Variants in ADGRL3 observed in about 807,000 individuals in gnomAD.
The protein encoded by ADGRL3 is calcium-independent alpha-latrotoxin receptor 3.
Under a neutral mutation model 153.5 loss-of-function variants are expected in ADGRL3, and 62 were observed. The ratio of observed to expected loss-of-function variants is 0.40; its 90% CI spans 0.33 to 0.50. The LOEUF (loss-of-function observed/expected upper bound fraction) is 0.50, where lower values mean the gene tolerates loss of function less well. Ranked by LOEUF, ADGRL3 falls within the 20% of genes least tolerant of loss-of-function variation. ADGRL3 has a pLI of 0.47. For missense variants in ADGRL3, 1,641 were observed against 1,859.4 expected, an observed-to-expected ratio of 0.88 and a Z score of 2.16; for synonymous variants, 710 against 672.5, an observed-to-expected ratio of 1.06 and a Z score of -0.86.
chr4:61,875,737 CTA>C (rs1431283611), intron 9 of ADGRL3, among the ~76,000 whole-genome samples: 3 of 152,094 alleles, frequency 2.0e-5, no homozygotes, highest in Admixed American at 2.0e-4. Flanking sequence ...CTACAAATAA[CTA>C]GAGTTCTTTT....
chr4:61,746,031 A>C (rs2096654963), intron 8 of ADGRL3, among the ~76,000 whole-genome samples: 1 of 152,216 alleles, frequency 6.6e-6, no homozygotes, highest in African/African-American at 2.4e-5. Context: ...AACAAATGGA[A>C]AACAAAAAAA....
chr4:61,319,654 T>G (rs2095312788), intron 1 of ADGRL3, among the ~76,000 whole-genome samples: 1 of 152,176 alleles, frequency 6.6e-6, no homozygotes, highest in African/African-American at 2.4e-5. Context: ...GAGCTCAAAT[T>G]TGATTGTACG....
At chr4:61,542,512 C>T (rs2098695034) in intron 4 of ADGRL3, among the ~76,000 whole-genome samples, 1 of 152,130 alleles carries the variant, frequency 6.6e-6, no homozygotes, top group South Asian at 2.1e-4. Flanking sequence ...ACTATGAAGG[C>T]TTGCATGTAT....
At chr4:61,491,773 G>A (rs768964684) in intron 2 of ADGRL3, among the ~76,000 whole-genome samples, 9 of 151,878 alleles carry the variant, frequency 5.9e-5, no homozygotes, top group Non-Finnish European at 1.2e-4. Flanking sequence ...TTTTATCAAG[G>A]TGCCAAATTA....
intron 1 of ADGRL3, among the ~76,000 whole-genome samples, chr4:61,353,188 T>C (rs754701440): frequency 6.6e-6 from 1 of 152,164 alleles, no homozygotes; most frequent in Non-Finnish European, 1.5e-5. Flanking sequence ...AATAAGTCTG[T>C]ATTTTTACAT....
intron 2 of ADGRL3, among the ~76,000 whole-genome samples, chr4:61,488,633 T>C (rs2098223923): frequency 1.3e-5 from 2 of 152,046 alleles, no homozygotes; most frequent in African/African-American, 2.4e-5. Context: ...GCCCATCCTA[T>C]GTTTTTTTCC....
chr4:62,043,218 CT>C (rs1274507577), intron 24 of ADGRL3, among the ~76,000 whole-genome samples: 6 of 151,940 alleles, frequency 3.9e-5, no homozygotes, highest in African/African-American at 1.4e-4. Flanking sequence ...TAATCTGTTC[CT>C]AGTTTAACAT....
intron 2 of ADGRL3, chr4:61,420,743 A>G (rs1022919809): frequency 1.4e-5 from 2 of 144,844 alleles, no homozygotes; most frequent in African/African-American, 5.1e-5. Context: ...TCATTTGTGT[A>G]AGTGGAAATA....
intron 14 of ADGRL3, among the ~76,000 whole-genome samples, chr4:61,935,682 T>C (rs774764691): frequency 6.6e-6 from 1 of 152,156 alleles, no homozygotes; most frequent in Non-Finnish European, 1.5e-5. Flanking sequence ...GAATTTGGGA[T>C]TGAATTTAAA....
chr4:61,342,617 C>T (rs1243829201), intron 1 of ADGRL3, among the ~76,000 whole-genome samples: 2 of 152,114 alleles, frequency 1.3e-5, no homozygotes, highest in African/African-American at 4.8e-5. Context: ...AGACTCTTGC[C>T]ATCTGGCTCT....
rs1427100001 is a variant in ADGRL3 at position 61,479,679 on chromosome 4, A to C, written c.-173-17442A>C. Among the ~76,000 whole-genome samples, 4 of 152,134 alleles carry C rather than the reference A, an allele frequency of 2.6e-5. No individual in the cohort carries two copies. In the East Asian group the frequency reaches 7.7e-4, roughly 29 times the overall value. ...TTATTAAATAAATTTGAGGAGTAAA[A>C]GAATGGTGTAAATTCACTGAAACAT... On this transcript the variant is annotated intron_variant, in intron 2 of 26. Transcript: ENST00000683033.
At chr4:61,352,571 G>GA (rs2096071875) in intron 1 of ADGRL3, among the ~76,000 whole-genome samples, 1 of 151,912 alleles carries the variant, frequency 6.6e-6, no homozygotes, top group African/African-American at 2.4e-5. Context: ...TTTTAGTAGA[G>GA]ACAGGGTCTC....
intron 5 of ADGRL3, among the ~76,000 whole-genome samples, chr4:61,625,875 T>C (rs536827440): frequency 6.6e-6 from 1 of 152,242 alleles, no homozygotes. Context: ...AAGTAAAGGG[T>C]GAAAACTGCA....
At chr4:61,448,858 G>GAAGGAAGGT (rs2097633898) in intron 2 of ADGRL3, among the ~76,000 whole-genome samples, 1 of 5,794 alleles carries the variant, frequency 1.7e-4, no homozygotes, top group Non-Finnish European at 1.3e-3. Flanking sequence ...GGAAGGAAGG[G>GAAGGAAGGT]AGGGAAGGAA....
At chr4:62,060,047 A>C (rs1739232782) in intron 25 of ADGRL3, among the ~76,000 whole-genome samples, 1 of 152,018 alleles carries the variant, frequency 6.6e-6, no homozygotes, top group Admixed American at 6.6e-5. Flanking sequence ...TTGAATGATT[A>C]ATCCTTTTTT....
intron 1 of ADGRL3, among the ~76,000 whole-genome samples, chr4:61,215,744 G>T (rs1342889170): frequency 6.6e-6 from 1 of 151,730 alleles, no homozygotes; most frequent in Non-Finnish European, 1.5e-5. Context: ...AATGGAGACG[G>T]GGTTTCGCCG....
chr4:61,583,563 A>G, intron 4 of ADGRL3: 1 of 422,220 alleles, frequency 2.4e-6, no homozygotes, highest in Non-Finnish European at 4.7e-6. Flanking sequence ...CTTTCCTCAC[A>G]GTTAATATGT....
chr4:61,494,733 A>T (rs1410288154), intron 2 of ADGRL3, among the ~76,000 whole-genome samples: 1 of 152,086 alleles, frequency 6.6e-6, no homozygotes, highest in Non-Finnish European at 1.5e-5. Flanking sequence ...ATATTATGAG[A>T]TTATCTAGAA....
chr4:62,034,182 T>C (rs889837223), intron 23 of ADGRL3, among the ~76,000 whole-genome samples: 3 of 151,780 alleles, frequency 2.0e-5, no homozygotes, highest in Non-Finnish European at 4.4e-5. Context: ...AAACTGTGGC[T>C]CATGAGCCAA....
Sources: gnomAD v4.1 joint callset for allele counts (sites outside exome capture counted in the v4.1 genomes callset) on GRCh38, gnomAD v4.1.1 for gene constraint, MANE v1.5 for transcripts, NCBI Gene and HGNC (gene_info 2026-07-23, HGNC 2026-07-21) for gene names.